The following DPH1 variants were observed in gnomAD, a reference collection of about 807,000 sequenced individuals.
DPH1 encodes diphthamide biosynthesis 1.
Under a neutral mutation model 55.3 loss-of-function variants are expected in DPH1, and 59 were observed. The ratio of observed to expected loss-of-function variants is 1.07; its 90% CI spans 0.87 to 1.33. DPH1 has a LOEUF of 1.33. DPH1 is among the 40% of genes most tolerant of loss of function. The probability of loss-of-function intolerance (pLI) is 0.00; values close to 1 mark genes in which losing one functional copy is unlikely to be tolerated. For missense variants in DPH1, 628 were observed against 584.8 expected, an observed-to-expected ratio of 1.07 and a Z score of -0.76; for synonymous variants, 238 against 235.5, an observed-to-expected ratio of 1.01 and a Z score of -0.10.
Position 2,040,220 on chromosome 17 carries a change from A to C in DPH1, c.752A>C (p.Tyr251Ser). Residue 251 changes from tyrosine (Y) to serine (S), a missense_variant and splice_region_variant, in exon 8 of 13, where the codon TAT becomes TCT. Transcript: ENST00000263083. ...GACCCTGACTGCTTCTTTTCCAGGT[A>C]TGACCCATATAGCAAAGTCCTATCC... is the stretch of plus-strand genomic sequence containing the variant. Reference protein sequence around the residue: ...IANPNVPAYRYDPYSKVLSRE... With the variant: ...IANPNVPAYRSDPYSKVLSRE... 1 of 1,613,940 alleles carries C rather than the reference A, an allele frequency of 6.2e-7. No homozygotes were observed. The highest frequency in any genetic ancestry group is 8.5e-7 in the Non-Finnish European group (1 of 1,180,012).
Position 2,043,411 on chromosome 17 carries a change from A to C in DPH1, c.*825A>C. 2.0e-5 allele frequency: 6 copies of C among 298,880 alleles called. No homozygotes were observed. The highest frequency in any genetic ancestry group is 1.8e-4 in the East Asian group (3 of 16,564). The allele number at this position is 298,880 out of a possible 1,614,324, so 18.5% of individuals were successfully genotyped here. A position where few individuals can be genotyped will look rare whatever the true frequency, so the allele number is the denominator to read the frequency against. ...GCACCATGGTGACTGCCACATAATAAAGTGGTGATTTGGATTTTGAGCATC... is the reference window on the plus strand; with the variant it reads ...GCACCATGGTGACTGCCACATAATACAGTGGTGATTTGGATTTTGAGCATC... On this transcript the variant is annotated 3_prime_UTR_variant, in exon 13 of 13. Transcript: ENST00000263083.
At position 2,039,594 on chromosome 17, in the gene DPH1, G is replaced by A. The variant is rs60448187; in HGVS notation, c.681-161G>A. Reference sequence around the variant, plus strand: ...GGGTTTCACTGTGTTAGCCAGGATGGTCTCGATCTCCTGACCTCATGATCC... The same window carrying A: ...GGGTTTCACTGTGTTAGCCAGGATGATCTCGATCTCCTGACCTCATGATCC... On this transcript the variant is annotated intron_variant, in intron 6 of 12. Transcript: ENST00000263083. 4.3e-3 allele frequency: 3,253 copies of A among 751,732 alleles called. 73 individuals carry two copies. In the African/African-American group the frequency reaches 0.047, roughly 11 times the overall value. 46.6% of individuals were successfully genotyped at this position (751,732 alleles called of 1,614,324 possible). A position where few individuals can be genotyped will look rare whatever the true frequency, so the allele number is the denominator to read the frequency against.
Position 2,036,624 on chromosome 17 carries a change from A to G in DPH1, c.496A>G (p.Thr166Ala), listed in dbSNP as rs765151022. 1 of 1,613,874 alleles carries G rather than the reference A, an allele frequency of 6.2e-7. No individual in the cohort carries two copies. The highest frequency in any genetic ancestry group is 1.7e-5 in the Admixed American group (1 of 60,010). Residue 166 changes from threonine to alanine, a missense_variant, in exon 5 of 13, where the codon ACC becomes GCC. Coordinates refer to ENST00000263083, the MANE Select transcript of DPH1 (RefSeq NM_001383.6). This position sits in a 1 kb window ranked among gnomAD's most constrained non-coding sequence, Gnocchi z 4.8. ...TTHLLDSLRL[T>A]FPPATALALV... ...ACACCTCCTGGACTCTCTCCGCCTC[A>G]CCTTTCCCCCAGCCACTGCCCTTGC...
intron 2 of DPH1, 26 bp downstream of exon 2, chr17:2,033,683 G>T (rs150302935): frequency 1.2e-6 from 2 of 1,613,738 alleles, no homozygotes; most frequent in Admixed American, 3.3e-5. Context: ...TTGAGCTGGG[G>T]TTGGGGTGGA....
chr17:2,042,636 C>T lies in DPH1; in HGVS notation c.*50C>T. The T allele has an allele frequency of 6.6e-7, 1 of 1,520,630 alleles. No homozygotes were observed. Among genetic ancestry groups the T allele is most frequent in the Non-Finnish European group, 8.8e-7 (1 of 1,137,238 alleles). The allele number at this position is 1,520,630 out of a possible 1,614,324, so 94.2% of individuals were successfully genotyped here. A position where few individuals can be genotyped will look rare whatever the true frequency, so the allele number is the denominator to read the frequency against. On this transcript the variant is annotated 3_prime_UTR_variant, in exon 13 of 13. Transcript: ENST00000263083. ...GCCCTCCGGAGGAGCAGCCTCGAGG[C>T]TGGTGGTTTTCAGAGCAGGAGGCCG...
At chr17:2,034,547 T>C (rs1597277021) in intron 3 of DPH1, among the ~76,000 whole-genome samples, 1 of 65,594 alleles carries the variant, frequency 1.5e-5, no homozygotes, top group African/African-American at 6.4e-5. Flanking sequence ...TGCTGCCCCA[T>C]CCCCCTCCCC....
Position 2,031,332 on chromosome 17 carries a change from G to A in DPH1, c.61+1102G>A, listed in dbSNP as rs368321943. 5.4e-3 allele frequency among the ~76,000 whole-genome samples: 827 copies of A among 152,058 alleles called. 8 individuals are homozygous for A. The highest frequency in any genetic ancestry group is 0.019 in the African/African-American group (790 of 41,450). ...TCCCAGCACTCTGGGAGGCTGAGGC[G>A]GGCGGATTACCTGAGGTCAGGAGTT... On this transcript the variant is annotated intron_variant, in intron 1 of 12. Transcript: ENST00000263083.
chr17:2,037,959 TA>T (rs2067451087), intron 6 of DPH1, among the ~76,000 whole-genome samples: 1 of 152,158 alleles, frequency 6.6e-6, no homozygotes, highest in African/African-American at 2.4e-5. Context: ...CTGCGTGAAC[TA>T]ATTCACAGCA....
At chr17:2,031,545 G>A (rs1479094346) in intron 1 of DPH1, among the ~76,000 whole-genome samples, 3 of 115,330 alleles carry the variant, frequency 2.6e-5, no homozygotes, top group South Asian at 2.9e-4. Flanking sequence ...CTGGCCAACA[G>A]ACAGAGTGAG....
chr17:2,036,874 G>A lies in DPH1; in HGVS notation c.598G>A (p.Val200Ile). The A allele has an allele frequency of 1.2e-6, 2 of 1,613,744 alleles. No individual in the cohort carries two copies. Among genetic ancestry groups the A allele is most frequent in the Non-Finnish European group, 1.7e-6 (2 of 1,179,998 alleles). Residue 200 changes from valine to isoleucine, a missense_variant, in exon 6 of 13, where the codon GTC becomes ATC. Val to Ile is a conservative substitution (Grantham distance 29). Coordinates refer to ENST00000263083, the MANE Select transcript of DPH1 (RefSeq NM_001383.6). This position sits in a 1 kb window ranked among gnomAD's most constrained non-coding sequence, Gnocchi z 4.8. ...QELKAEYRVS[V>I]PQCKPLSPGE... The stretch of plus-strand genomic sequence containing the variant: ...GCTGAAAGCCGAGTATCGTGTGAGT[G>A]TCCCACAGTGCAAGCCCCTGTCCCC...
intron 10 of DPH1, 107 bp downstream of exon 10, chr17:2,041,288 C>T (rs2067517935): frequency 2.0e-6 from 3 of 1,480,226 alleles, no homozygotes; most frequent in Non-Finnish European, 2.8e-6. Flanking sequence ...TCGTAGATTC[C>T]GGAGTCTGTC....
At chr17:2,031,075 T>G (rs1397226144) in intron 1 of DPH1, among the ~76,000 whole-genome samples, 2 of 152,196 alleles carry the variant, frequency 1.3e-5, no homozygotes, top group African/African-American at 4.8e-5. Flanking sequence ...TTCTTGCCTT[T>G]TCATATCCTC....
chr17:2,035,424 C>CA (rs2067401415), intron 3 of DPH1, among the ~76,000 whole-genome samples: 4 of 125,986 alleles, frequency 3.2e-5, no homozygotes, highest in South Asian at 2.5e-4. Context: ...AGTGGGGGTC[C>CA]GGACGAGAGG....
In DPH1 at chr17:2,036,191, G is replaced by A; in HGVS notation, c.400+100G>A. The stretch of plus-strand genomic sequence containing the variant: ...GCAGTGCCTTCTTGTCCTGCTTGGA[G>A]ACACAAGGTCCCTCCTGGTTTCTGG... On this transcript the variant is annotated intron_variant, in intron 4 of 12. Transcript: ENST00000263083. This position sits in a 1 kb window ranked among gnomAD's most constrained non-coding sequence, Gnocchi z 4.8. 2.0e-6 allele frequency: 3 copies of A among 1,525,838 alleles called. No individual in the cohort carries two copies. Among genetic ancestry groups the A allele is most frequent in the Non-Finnish European group, 2.6e-6 (3 of 1,135,042 alleles). 94.5% of individuals were successfully genotyped at this position (1,525,838 alleles called of 1,614,324 possible).
intron 3 of DPH1, 145 bp from the exon 4 acceptor site, chr17:2,035,825 T>G: frequency 1.6e-6 from 2 of 1,290,242 alleles, no homozygotes; most frequent in Non-Finnish European, 2.1e-6. Context: ...TAATCTTTGT[T>G]GGCAGAAGTG....
intron 3 of DPH1, among the ~76,000 whole-genome samples, chr17:2,035,638 C>T (rs928278200): frequency 3.3e-5 from 5 of 152,072 alleles, no homozygotes; most frequent in Admixed American, 6.5e-5. Flanking sequence ...TGCGTGCTCA[C>T]GGCTCTGGGT....
At chr17:2,032,356 C>T (rs1354718916) in intron 1 of DPH1, among the ~76,000 whole-genome samples, 3 of 152,122 alleles carry the variant, frequency 2.0e-5, no homozygotes, top group African/African-American at 7.2e-5. Context: ...CCTCTGTTCT[C>T]CTGAGGAAGA....
In DPH1 at chr17:2,036,777, C is replaced by G. The variant is rs1374197367; in HGVS notation, c.559-58C>G. The stretch of plus-strand genomic sequence containing the variant: ...GATCCCCAGGTGCTCCAGGCTGTTT[C>G]TCAGCCCTGGCTCTCCTGCCCCAGC... On this transcript the variant is annotated intron_variant, in intron 5 of 12. Transcript: ENST00000263083. The surrounding 1 kb of genome is among the most constrained non-coding windows in gnomAD (Gnocchi z 4.8). The G allele has an allele frequency of 6.2e-7, 1 of 1,607,058 alleles. No individual in the cohort carries two copies. Among genetic ancestry groups the G allele is most frequent in the African/African-American group, 1.3e-5 (1 of 74,848 alleles).
Position 2,036,148 on chromosome 17 carries a change from A to G in DPH1, c.400+57A>G. ...CGGGGCTGGCAGGGAGGCAGGCTGC[A>G]CATTCATCTTCCCCATGGCAGTGCC... On this transcript the variant is annotated intron_variant, in intron 4 of 12. Coordinates refer to ENST00000263083, the MANE Select transcript of DPH1 (RefSeq NM_001383.6). The surrounding 1 kb of genome is among the most constrained non-coding windows in gnomAD (Gnocchi z 4.8). The G allele has an allele frequency of 1.9e-6, 3 of 1,600,396 alleles. No individual in the cohort carries two copies. Among genetic ancestry groups the G allele is most frequent in the Non-Finnish European group, 2.6e-6 (3 of 1,172,910 alleles).
Sources: allele counts gnomAD v4.1 joint callset (sites outside exome capture counted in the v4.1 genomes callset), GRCh38; gene constraint gnomAD v4.1.1; non-coding constraint Gnocchi (gnomAD v3.1); transcripts MANE v1.5; gene names NCBI Gene and HGNC (gene_info 2026-07-23, HGNC 2026-07-21).